The following NCOR2 variants were observed in gnomAD, a reference collection of about 807,000 sequenced individuals.
The protein encoded by NCOR2 is CTG repeat protein 26.
In NCOR2, 81 loss-of-function variants were observed where a neutral mutation model predicts 262.9. The observed-to-expected ratio is 0.31, with a 90% CI of 0.26 to 0.37. NCOR2 has a LOEUF of 0.37. Among genes scored for constraint, NCOR2 ranks in the 10% least tolerant of loss-of-function variants. NCOR2 has a pLI of 1.00. For synonymous variants in NCOR2, 1,659 were observed against 1,559.3 expected, an observed-to-expected ratio of 1.06 and a Z score of -1.51; for missense variants, 3,385 against 3,621.4, an observed-to-expected ratio of 0.93 and a Z score of 1.68.
intron 39 of NCOR2, 44 bp from the exon 42 acceptor site, chr12:124,335,324 A>C: frequency 6.6e-7 from 1 of 1,524,024 alleles, no homozygotes; most frequent in Non-Finnish European, 8.8e-7. Flanking sequence ...TGCTGGCCCC[A>C]GGGCTGCTGG....
chr12:124,369,252 T>G (rs2039288908), intron 20 of NCOR2, among the ~76,000 whole-genome samples: 1 of 152,128 alleles, frequency 6.6e-6, no homozygotes, highest in African/African-American at 2.4e-5. Context: ...AGCCACTATC[T>G]CTGGTCGTCT....
At chr12:124,529,120 A>G (rs35419605) in intron 1 of NCOR2, among the ~76,000 whole-genome samples, 14,222 of 137,694 alleles carry the variant, frequency 0.1, 1,856 homozygotes, top group African/African-American at 0.33. Flanking sequence ...CGGAGGTTGC[A>G]GTGAGCCGAG....
In NCOR2 at chr12:124,389,270, C is replaced by G. The variant is rs1365574420; in HGVS notation, c.1877-3383G>C. On this transcript the variant is annotated intron_variant, in intron 16 of 46. Transcript: ENST00000405201. This position sits in a 1 kb window ranked among gnomAD's most constrained non-coding sequence, Gnocchi z 4.4. ...AGCAGGGCAGCCGTGTCCCCCGCAG[C>G]CGGGCTCAGCTCTGATCTTCTTGCT... Among the ~76,000 whole-genome samples the G allele has an allele frequency of 6.6e-6, 1 of 152,206 alleles. No individual in the cohort carries two copies. Among genetic ancestry groups the G allele is most frequent in the Non-Finnish European group, 1.5e-5 (1 of 68,042 alleles).
intron 33 of NCOR2, among the ~76,000 whole-genome samples, chr12:124,342,597 T>G (rs1045384380): frequency 6.6e-6 from 1 of 152,204 alleles, no homozygotes; most frequent in Non-Finnish European, 1.5e-5. Context: ...CTCTATCTCC[T>G]GACCTTGTGA....
chr12:124,332,410 C>T, exon 43 of NCOR2: 1 of 1,614,260 alleles, frequency 6.2e-7, no homozygotes, highest in South Asian at 1.1e-5. Context: ...TCTCGGTCAG[C>T]TTGCTGAAGA....
intron 1 of NCOR2, among the ~76,000 whole-genome samples, chr12:124,565,748 A>T (rs982994593): frequency 1.8e-4 from 28 of 152,212 alleles, no homozygotes; most frequent in East Asian, 1.7e-3. Context: ...TACCATTTTG[A>T]CCCTCATTTT....
chr12:124,345,086 A>T, intron 31 of NCOR2, 135 bp from the exon 34 acceptor site: 2 of 813,876 alleles, frequency 2.5e-6, no homozygotes, highest in Non-Finnish European at 3.7e-6. Flanking sequence ...AGGCAGGGAG[A>T]CAGAGGGCTT....
chr12:124,403,492 G>T (rs1394052148), intron 13 of NCOR2, among the ~76,000 whole-genome samples: 1 of 152,066 alleles, frequency 6.6e-6, no homozygotes, highest in East Asian at 1.9e-4. Flanking sequence ...CATCCCGCCT[G>T]ATTTCTTTTA....
chr12:124,474,763 G>A (rs2047009502), intron 3 of NCOR2, among the ~76,000 whole-genome samples: 1 of 152,066 alleles, frequency 6.6e-6, no homozygotes, highest in African/African-American at 2.4e-5. Context: ...AATAAATGTT[G>A]GCTGGGATGG....
intron 13 of NCOR2, among the ~76,000 whole-genome samples, chr12:124,417,773 C>T (rs75741296): frequency 0.019 from 2,891 of 152,260 alleles, 93 homozygotes; most frequent in African/African-American, 0.066. Flanking sequence ...TCAAAAACAC[C>T]GTAGCGGCTG....
At chr12:124,439,146 GACAGAAACCCAGAGAGAGGGAA>G (rs2044629819) in intron 7 of NCOR2, among the ~76,000 whole-genome samples, 1 of 141,352 alleles carries the variant, frequency 7.1e-6, no homozygotes, top group Non-Finnish European at 1.6e-5. Context: ...GACAGAGGGA[GACAGAAACCCAGAGAGAGGGAA>G]ACAGAGACCC....
At chr12:124,460,241 C>G (rs2046095152) in intron 5 of NCOR2, among the ~76,000 whole-genome samples, 2 of 152,236 alleles carry the variant, frequency 1.3e-5, no homozygotes, top group African/African-American at 4.8e-5. Flanking sequence ...GTGTCTGGCT[C>G]ACAGTGGATG....
chr12:124,493,231 C>T (rs1263758845), intron 1 of NCOR2, among the ~76,000 whole-genome samples: 1 of 152,174 alleles, frequency 6.6e-6, no homozygotes, highest in African/African-American at 2.4e-5. Context: ...TGAGGACTCC[C>T]CAAGGCTAGG....
At chr12:124,333,825 G>GGTGTGCGGGTGCGCCT (rs879328494) in intron 41 of NCOR2, among the ~76,000 whole-genome samples, 1 of 143,818 alleles carries the variant, frequency 7.0e-6, no homozygotes, top group African/African-American at 2.5e-5. Context: ...TGTCTACAGG[G>GGTGTGCGGGTGCGCCT]GTGTGCGGGT....
At chr12:124,509,222 G>A (rs1318192016) in intron 1 of NCOR2, among the ~76,000 whole-genome samples, 1 of 121,894 alleles carries the variant, frequency 8.2e-6, no homozygotes, top group Non-Finnish European at 1.7e-5. Context: ...AGCCAAAGTG[G>A]CACTGGCTTT....
intron 1 of NCOR2, among the ~76,000 whole-genome samples, chr12:124,510,430 A>G (rs2049332533): frequency 6.6e-6 from 1 of 152,142 alleles, no homozygotes; most frequent in Non-Finnish European, 1.5e-5. Context: ...CCCCAACACA[A>G]CACTTGGTGG....
At chr12:124,377,763 C>T (rs1182936738) in intron 18 of NCOR2, among the ~76,000 whole-genome samples, 9 of 151,120 alleles carry the variant, frequency 6.0e-5, no homozygotes, top group Non-Finnish European at 1.3e-4. Flanking sequence ...TGCTTGAACC[C>T]GAGAGGCAGA....
chr12:124,427,993 C>G lies in NCOR2; in HGVS notation c.1150-1193G>C, dbSNP rs1165149530. Among the ~76,000 whole-genome samples, 5 of 151,690 alleles carry G rather than the reference C, an allele frequency of 3.3e-5. No individual in the cohort carries two copies. In the East Asian group the frequency reaches 9.7e-4, roughly 29 times the overall value. On this transcript the variant is annotated intron_variant, in intron 10 of 46. Coordinates refer to ENST00000405201, the Ensembl canonical transcript of NCOR2. ...CCACTTCCACCCTTCACCCCGGACA[C>G]AGCATCCTTGATGTCCCTGAGGACT...
At chr12:124,340,473 C>T in intron 35 of NCOR2, 30 bp from the exon 38 acceptor site, 18 of 1,603,018 alleles carry the variant, frequency 1.1e-5, no homozygotes, top group Non-Finnish European at 1.5e-5. Flanking sequence ...GAGACTCAGC[C>T]CCAGGGCCGA....
Sources: gnomAD v4.1 joint callset for allele counts (sites outside exome capture counted in the v4.1 genomes callset) on GRCh38, gnomAD v4.1.1 for gene constraint, Gnocchi (gnomAD v3.1) non-coding constraint, MANE v1.5 for transcripts, NCBI Gene and HGNC (gene_info 2026-07-23, HGNC 2026-07-21) for gene names.